Variants in SND1 observed in about 807,000 individuals in gnomAD.
SND1 encodes the protein staphylococcal nuclease domain-containing protein 1.
A neutral mutation model predicts 121.7 loss-of-function variants in SND1; 38 were observed. The observed-to-expected ratio is 0.31, with a 90% CI of 0.24 to 0.41. The LOEUF is 0.41. Ranked by LOEUF, SND1 falls within the 10% of genes least tolerant of loss-of-function variation. The probability of loss-of-function intolerance (pLI) is 1.00; values close to 1 mark genes in which losing one functional copy is unlikely to be tolerated. For synonymous variants in SND1, 401 were observed against 447.4 expected (o/e 0.90, Z 1.31); for missense variants, 868 against 1,184.6 (o/e 0.73, Z 3.92).
At chr7:127,846,957 T>C (rs79783235) in intron 12 of SND1, among the ~76,000 whole-genome samples, 7 of 152,276 alleles carry the variant, frequency 4.6e-5, no homozygotes, top group South Asian at 2.1e-4. Flanking sequence ...CCTTTTTTTT[T>C]CTGAATTTTC....
At chr7:127,701,042 A>T (rs996019907) in intron 4 of SND1, 121 bp from the exon 5 acceptor site, 2 of 1,076,292 alleles carry the variant, frequency 1.9e-6, no homozygotes, top group South Asian at 1.6e-5. Context: ...TAAGCCATAG[A>T]TCTGAAACAG....
At chr7:127,675,462 A>G (rs1795600185) in intron 1 of SND1, among the ~76,000 whole-genome samples, 1 of 152,172 alleles carries the variant, frequency 6.6e-6, no homozygotes. Flanking sequence ...CAAGAAAATA[A>G]TATGTAGTAG....
chr7:128,027,812 C>T (rs191496565), intron 16 of SND1: 1 of 152,236 alleles, frequency 6.6e-6, no homozygotes, highest in African/African-American at 2.4e-5. Context: ...TTCCCACCCC[C>T]CTGCTGCCGC....
At chr7:127,882,411 G>A (rs1287513774) in intron 12 of SND1, among the ~76,000 whole-genome samples, 2 of 105,594 alleles carry the variant, frequency 1.9e-5, no homozygotes, top group Non-Finnish European at 4.0e-5. Flanking sequence ...AGGGACGGAG[G>A]AGAAAAGAGG....
At chr7:127,676,673 A>AT (rs1389107806) in intron 1 of SND1, among the ~76,000 whole-genome samples, 20 of 152,354 alleles carry the variant, frequency 1.3e-4, no homozygotes, top group African/African-American at 4.8e-4. Context: ...GGAATTAGAG[A>AT]TTACAGGTTA....
At chr7:127,818,359 G>A (rs939009345) in intron 11 of SND1, among the ~76,000 whole-genome samples, 5 of 152,116 alleles carry the variant, frequency 3.3e-5, no homozygotes, top group Non-Finnish European at 7.4e-5. Flanking sequence ...GGGCTTTTCT[G>A]TGTCTTTTTC....
At chr7:127,738,639 G>T (rs1046424072) in intron 10 of SND1, among the ~76,000 whole-genome samples, 3 of 152,236 alleles carry the variant, frequency 2.0e-5, no homozygotes, top group Non-Finnish European at 1.5e-5. Context: ...GGTAGGAGGG[G>T]AGAAGACCCA....
intron 10 of SND1, among the ~76,000 whole-genome samples, chr7:127,744,066 TTATAA>T (rs1204137978): frequency 2.0e-5 from 3 of 152,226 alleles, no homozygotes; most frequent in Admixed American, 6.5e-5. Context: ...TGATAGTAGA[TTATAA>T]TATATCTTTC....
intron 1 of SND1, among the ~76,000 whole-genome samples, chr7:127,672,648 A>T (rs1288215814): frequency 1.3e-5 from 2 of 151,864 alleles, no homozygotes; most frequent in African/African-American, 4.8e-5. Context: ...ATTAACATGG[A>T]TACAATACTG....
At chr7:127,849,069 G>A (rs1353821143) in intron 12 of SND1, among the ~76,000 whole-genome samples, 4 of 152,160 alleles carry the variant, frequency 2.6e-5, no homozygotes, top group Non-Finnish European at 5.9e-5. Context: ...AAAATAAAAA[G>A]ATCAAACTTT....
At chr7:127,908,509 G>C (rs762140807) in intron 14 of SND1, among the ~76,000 whole-genome samples, 46 of 152,018 alleles carry the variant, frequency 3.0e-4, no homozygotes, top group Non-Finnish European at 5.4e-4. Context: ...GTAGGAACTG[G>C]GCTATTAGAA....
intron 10 of SND1, among the ~76,000 whole-genome samples, chr7:127,751,901 C>G (rs1797104086): frequency 6.6e-6 from 1 of 152,222 alleles, no homozygotes; most frequent in South Asian, 2.1e-4. Context: ...CGACGCTTCC[C>G]CAGCTGACTG....
At chr7:127,927,419 G>C (rs1800863847) in intron 14 of SND1, among the ~76,000 whole-genome samples, 1 of 152,206 alleles carries the variant, frequency 6.6e-6, no homozygotes, top group Non-Finnish European at 1.5e-5. Flanking sequence ...ATTTAGACTA[G>C]TATGGCACAA....
chr7:128,056,645 G>A (rs932956111), intron 16 of SND1, among the ~76,000 whole-genome samples: 2 of 152,156 alleles, frequency 1.3e-5, no homozygotes, highest in African/African-American at 4.8e-5. Flanking sequence ...CAAGGAGTTG[G>A]CAGACTCATG....
chr7:127,707,728 T>C (rs1796225663), intron 9 of SND1, 81 bp downstream of exon 9: 1 of 1,252,328 alleles, frequency 8.0e-7, no homozygotes, highest in Non-Finnish European at 1.2e-6. Context: ...CAATTAGAAA[T>C]GCTGAAGCTC....
At chr7:127,903,121 A>G (rs1800268885) in intron 13 of SND1, among the ~76,000 whole-genome samples, 1 of 151,944 alleles carries the variant, frequency 6.6e-6, no homozygotes, top group Admixed American at 6.6e-5. Flanking sequence ...TGACCTTGTG[A>G]TCTACCTTCC....
intron 18 of SND1, chr7:128,081,925 A>G: frequency 3.7e-6 from 2 of 535,966 alleles, no homozygotes; most frequent in Non-Finnish European, 7.7e-6. Context: ...GGGAGCAAGG[A>G]GTGGTGCTGG....
At chr7:127,729,422 T>G (rs1053115387) in intron 10 of SND1, among the ~76,000 whole-genome samples, 1 of 149,256 alleles carries the variant, frequency 6.7e-6, no homozygotes, top group Non-Finnish European at 1.5e-5. Flanking sequence ...CTACCTACAC[T>G]GTGTTTAGAT....
At chr7:128,010,564 A>C (rs942729189) in intron 16 of SND1, among the ~76,000 whole-genome samples, 2 of 152,190 alleles carry the variant, frequency 1.3e-5, no homozygotes, top group African/African-American at 4.8e-5. Flanking sequence ...CCCCACCCAC[A>C]GGTTGTTCAG....
Sources: allele counts gnomAD v4.1 joint callset (sites outside exome capture counted in the v4.1 genomes callset), GRCh38; gene constraint gnomAD v4.1.1; transcripts MANE v1.5; gene names NCBI Gene and HGNC (gene_info 2026-07-23, HGNC 2026-07-21).